Variants in ARFGEF3 observed in about 807,000 individuals in gnomAD.
ARFGEF3 encodes the protein brefeldin A-inhibited guanine nucleotide-exchange protein 3.
ARFGEF3 carries 96 observed loss-of-function variants against 221.7 expected under a neutral mutation model. That is an observed-to-expected ratio of 0.43 (90% confidence interval 0.37 to 0.51). The LOEUF is 0.51. Ranked by LOEUF, ARFGEF3 falls within the 20% of genes least tolerant of loss-of-function variation. ARFGEF3 has a pLI of 0.00. For synonymous variants in ARFGEF3, 1,145 were observed against 1,126.8 expected, an observed-to-expected ratio of 1.02 and a Z score of -0.32; for missense variants, 2,410 against 2,789.9, an observed-to-expected ratio of 0.86 and a Z score of 3.07.
intron 2 of ARFGEF3, among the ~76,000 whole-genome samples, chr6:138,193,762 T>C (rs929648888): frequency 3.3e-5 from 5 of 152,226 alleles, no homozygotes; most frequent in African/African-American, 1.2e-4. Flanking sequence ...TAAGAAATTA[T>C]AATACATCTA....
intron 14 of ARFGEF3, among the ~76,000 whole-genome samples, chr6:138,281,027 A>G (rs1779187852): frequency 6.6e-6 from 1 of 152,214 alleles, no homozygotes; most frequent in South Asian, 2.1e-4. Context: ...TGCAATGGGA[A>G]TATGCCCGCC....
chr6:138,317,501 G>T (rs901473168), intron 27 of ARFGEF3, 122 bp downstream of exon 27: 4 of 1,157,482 alleles, frequency 3.5e-6, no homozygotes, highest in Non-Finnish European at 3.7e-6. Context: ...AAGCTCACAC[G>T]TAAGAGGTGC....
chr6:138,224,189 A>G (rs755240974), intron 4 of ARFGEF3, among the ~76,000 whole-genome samples: 5 of 152,328 alleles, frequency 3.3e-5, no homozygotes, highest in Non-Finnish European at 5.9e-5. Flanking sequence ...TAAATCCTAT[A>G]CAAGTTACCA....
At chr6:138,182,841 C>T (rs779587176) in intron 2 of ARFGEF3, among the ~76,000 whole-genome samples, 3 of 152,104 alleles carry the variant, frequency 2.0e-5, no homozygotes, top group African/African-American at 4.8e-5. Context: ...GGATAGGGCT[C>T]ATTTTTAGGC....
intron 2 of ARFGEF3, among the ~76,000 whole-genome samples, chr6:138,179,224 G>A (rs573923089): frequency 4.6e-5 from 7 of 152,294 alleles, no homozygotes; most frequent in African/African-American, 1.2e-4. Context: ...ACTTGCAACA[G>A]TACTGGTCCA....
intron 2 of ARFGEF3, among the ~76,000 whole-genome samples, chr6:138,178,062 T>C (rs1272938658): frequency 6.6e-6 from 1 of 152,206 alleles, no homozygotes; most frequent in Non-Finnish European, 1.5e-5. Flanking sequence ...TTTGTGTTGA[T>C]TTAAATGCAT....
intron 14 of ARFGEF3, among the ~76,000 whole-genome samples, chr6:138,281,953 G>T (rs1016761799): frequency 2.0e-5 from 3 of 151,756 alleles, no homozygotes; most frequent in Non-Finnish European, 4.4e-5. Flanking sequence ...TGGTTGGTTG[G>T]TTTTTTTGTT....
rs571795181 is a variant in ARFGEF3, at chr6:138,309,760, G to A, written c.4096+899G>A. ...TCCAAAGCCAGAGGCTCGAGAACCT[G>A]TAGTTCTAAGACAAGAGAAGGATAT... is the stretch of plus-strand genomic sequence containing the variant. On this transcript the variant is annotated intron_variant, in intron 24 of 33. Transcript: ENST00000251691. Among the ~76,000 whole-genome samples the A allele has an allele frequency of 2.6e-3, 397 of 152,344 alleles. 1 individual carries two copies. Among genetic ancestry groups the A allele is most frequent in the Non-Finnish European group, 3.4e-3 (233 of 68,032 alleles).
chr6:138,333,542 T>G lies in ARFGEF3; in HGVS notation c.5124-428T>G, dbSNP rs142006624. ...CTGCAAGCTCCACCTCCCGGGTTCA[T>G]GCCATTCTCCTGCTTCAGCCTCCCT... is the stretch of plus-strand genomic sequence containing the variant. On this transcript the variant is annotated intron_variant, in intron 32 of 33. Coordinates refer to ENST00000251691, the MANE Select transcript of ARFGEF3 (RefSeq NM_020340.5). Among the ~76,000 whole-genome samples, 31 of 152,208 alleles carry G rather than the reference T, an allele frequency of 2.0e-4. No homozygotes were observed. In the East Asian group the frequency reaches 6.0e-3, roughly 29 times the overall value.
intron 2 of ARFGEF3, among the ~76,000 whole-genome samples, chr6:138,187,261 CT>C (rs1321726373): frequency 4.6e-5 from 7 of 152,210 alleles, no homozygotes; most frequent in Non-Finnish European, 7.3e-5. Context: ...TTCCTAGAGC[CT>C]TGTGGATAGA....
chr6:138,295,494 A>G (rs943519235), intron 20 of ARFGEF3, among the ~76,000 whole-genome samples: 6 of 151,548 alleles, frequency 4.0e-5, no homozygotes, highest in South Asian at 2.1e-4. Context: ...GCCGGGTGTC[A>G]TGGCATGTGC....
chr6:138,298,790 G>C lies in ARFGEF3; in HGVS notation c.3828+5G>C. 1 of 1,608,160 alleles carries C rather than the reference G, an allele frequency of 6.2e-7. No individual in the cohort carries two copies. The highest frequency in any genetic ancestry group is 8.5e-7 in the Non-Finnish European group (1 of 1,176,658). On this transcript the variant is annotated splice_donor_5th_base_variant and intron_variant, in intron 22 of 33. Transcript: ENST00000251691. ...GATGAGGACGTCCAAGACCAGGTCA[G>C]TGTGACATGGTCATCAGCGTCATAG...
chr6:138,254,838 T>C (rs974418454), intron 9 of ARFGEF3, among the ~76,000 whole-genome samples: 1 of 152,226 alleles, frequency 6.6e-6, no homozygotes, highest in African/African-American at 2.4e-5. Context: ...TTGGTTTATA[T>C]CATAGGATCA....
chr6:138,248,507 T>A (rs1231332366), intron 8 of ARFGEF3, among the ~76,000 whole-genome samples: 1 of 152,218 alleles, frequency 6.6e-6, no homozygotes, highest in East Asian at 1.9e-4. Flanking sequence ...CTAAACTTTT[T>A]TTCTGAGTAG....
intron 1 of ARFGEF3, among the ~76,000 whole-genome samples, chr6:138,166,610 A>C (rs77342458): frequency 0.029 from 4,413 of 152,262 alleles, 99 homozygotes; most frequent in African/African-American, 0.061. Context: ...GAATTGGATG[A>C]AGGGTTGGCT....
chr6:138,281,580 C>T (rs1407001554), intron 14 of ARFGEF3, among the ~76,000 whole-genome samples: 1 of 152,208 alleles, frequency 6.6e-6, no homozygotes, highest in African/African-American at 2.4e-5. Context: ...GTTTTCTGTT[C>T]CTGCATTAAC....
intron 32 of ARFGEF3, among the ~76,000 whole-genome samples, chr6:138,332,063 C>G (rs1190623107): frequency 6.6e-6 from 1 of 152,060 alleles, no homozygotes. Flanking sequence ...ATTGGCCTGA[C>G]TTTAGGTGTT....
At chr6:138,315,806 C>T (rs1039446301) in intron 26 of ARFGEF3, among the ~76,000 whole-genome samples, 9 of 151,174 alleles carry the variant, frequency 6.0e-5, no homozygotes, top group African/African-American at 2.2e-4. Context: ...GCCGAGATTG[C>T]GCCACTGCAC....
rs975896483 is a variant in ARFGEF3 at position 138,235,441 on chromosome 6, C to T, written c.421-3068C>T. ...GACTTAGGCTTTCCCAGTGTTGATT[C>T]TGCATAATGAAAGCAAAGAGCATGG... On this transcript the variant is annotated intron_variant, in intron 5 of 33. Transcript: ENST00000251691. Among the ~76,000 whole-genome samples, 4 of 152,126 alleles carry T rather than the reference C, an allele frequency of 2.6e-5. No homozygotes were observed. In the East Asian group the frequency reaches 7.7e-4, roughly 29 times the overall value.
Sources: gnomAD v4.1 joint callset for allele counts (sites outside exome capture counted in the v4.1 genomes callset) on GRCh38, gnomAD v4.1.1 for gene constraint, MANE v1.5 for transcripts, NCBI Gene and HGNC (gene_info 2026-07-23, HGNC 2026-07-21) for gene names.